KDR: variants seen among roughly 807,000 people sequenced by gnomAD.
KDR encodes vascular endothelial growth factor receptor 2.
Under a neutral mutation model 160.9 loss-of-function variants are expected in KDR, and 43 were observed. The ratio of observed to expected loss-of-function variants is 0.27; its 90% CI spans 0.21 to 0.34. The LOEUF (loss-of-function observed/expected upper bound fraction) is 0.34, where lower values mean the gene tolerates loss of function less well. Ranked by LOEUF, KDR falls within the 10% of genes least tolerant of loss-of-function variation. The pLI is 1.00. For missense variants in KDR, 1,469 were observed against 1,666.4 expected (o/e 0.88, Z 2.06); for synonymous variants, 617 against 600.1 (o/e 1.03, Z -0.41).
rs763673357 is a variant in KDR, at chr4:55,096,276, T to C, written c.2681A>G (p.His894Arg). The change falls in exon 19 of 30, where the codon CAC becomes CGC. Residue 894 changes from histidine to arginine, a missense_variant. By Grantham distance (29) the His-to-Arg change is conservative. Transcript: ENST00000263923. ...SELKILIHIG[H>R]HLNVVNLLGA... Reference sequence around the variant, plus strand: ...TAGAAGGTTGACCACATTGAGATGGTGACCAATATGAATGAGGATCTTGAG... The same window carrying C: ...TAGAAGGTTGACCACATTGAGATGGCGACCAATATGAATGAGGATCTTGAG... 2.5e-6 allele frequency: 4 copies of C among 1,613,604 alleles called. No homozygotes were observed. In the African/African-American group the frequency reaches 4.0e-5, roughly 16 times the overall value.
At position 55,125,393 on chromosome 4, in the gene KDR, C is replaced by T. The variant is rs972646515; in HGVS notation, c.-100G>A. The stretch of plus-strand genomic sequence containing the variant: ...AGGCGCGGAGGTGGAACTCGCGGCA[C>T]CCCGCAGCGCAGGACAGTTGAGCGC... On this transcript the variant is annotated 5_prime_UTR_variant, in exon 1 of 30. It adds an upstream start codon to the 5' untranslated region. Transcript: ENST00000263923. 7.7e-6 allele frequency: 11 copies of T among 1,420,368 alleles called. No homozygotes were observed. Among genetic ancestry groups the T allele is most frequent in the East Asian group, 4.9e-5 (2 of 40,456 alleles). The allele number at this position is 1,420,368 out of a possible 1,614,324, so 88.0% of individuals were successfully genotyped here. A position where few individuals can be genotyped will look rare whatever the true frequency, so the allele number is the denominator to read the frequency against.
intron 17 of KDR, 113 bp downstream of exon 17, chr4:55,098,024 A>G (rs1175374201): frequency 5.8e-6 from 8 of 1,373,878 alleles, no homozygotes; most frequent in Non-Finnish European, 7.2e-6. Flanking sequence ...AATGGAATTA[A>G]TATTTCTAAA....
Position 55,114,956 on chromosome 4 carries a change from G to A in KDR, c.576C>T (p.Ile192=), listed in dbSNP as rs1157203190. 2 of 1,613,298 alleles carry A rather than the reference G, an allele frequency of 1.2e-6. No individual in the cohort carries two copies. The highest frequency in any genetic ancestry group is 2.2e-5 in the South Asian group (2 of 91,070). The stretch of plus-strand genomic sequence containing the variant: ...CACAGAAGACCATGCCAGCATAGCT[G>A]ATCATGTAGCTGGGAATAGTAAAGC... ...KKGFTIPSYM[I]SYAGMVFCEA... The change falls in exon 5 of 30, where the codon ATC becomes ATT. Residue 192 remains isoleucine, a synonymous_variant. Coordinates refer to ENST00000263923, the MANE Select transcript of KDR (RefSeq NM_002253.4).
rs938748780 is a variant in KDR at position 55,094,794 on chromosome 4, G to A, written c.2971+8C>T. The A allele has an allele frequency of 2.5e-6, 4 of 1,613,106 alleles. No individual in the cohort carries two copies. The highest frequency in any genetic ancestry group is 3.4e-6 in the Non-Finnish European group (4 of 1,179,090). On this transcript the variant is annotated splice_region_variant and intron_variant, in intron 21 of 29. Coordinates refer to ENST00000263923, the MANE Select transcript of KDR (RefSeq NM_002253.4). ...ATGCCATAGCATGCAGGAAGCACTA[G>A]CCAGTACCTTCCTCTTCTTCTACAT... is the stretch of plus-strand genomic sequence containing the variant.
chr4:55,115,153 T>C (rs1395685884), intron 4 of KDR, 111 bp from the exon 5 acceptor site: 1 of 1,231,686 alleles, frequency 8.1e-7, no homozygotes, highest in Non-Finnish European at 1.2e-6. Flanking sequence ...ATTAGTTTTA[T>C]TCATTGCATT....
At chr4:55,095,042 G>T in intron 20 of KDR, 87 bp from the exon 21 acceptor site, 2 of 1,288,014 alleles carry the variant, frequency 1.6e-6, no homozygotes, top group Non-Finnish European at 2.2e-6. Context: ...AGTAAACCAT[G>T]GAGATAATTG....
At position 55,089,397 on chromosome 4, in the gene KDR, G is replaced by C; in HGVS notation, c.3381C>G (p.Ala1127=). 6.2e-7 allele frequency: 1 copy of C among 1,611,108 alleles called. No individual in the cohort carries two copies. The highest frequency in any genetic ancestry group is 8.5e-7 in the Non-Finnish European group (1 of 1,177,682). The change falls in exon 25 of 30, where the codon GCC becomes GCG. Residue 1127 remains alanine, a synonymous_variant. Transcript: ENST00000263923. ...ACATTTCTGGTGTAGTATAATCAGG[G>C]GCCCTCATTCTAGTTCCTTCTTTCA... ...RRLKEGTRMR[A]PDYTTPEMYQ...
rs375186728 is a variant in KDR at position 55,125,266 on chromosome 4, C to A, written c.28G>T (p.Ala10Ser). 4 of 1,612,844 alleles carry A rather than the reference C, an allele frequency of 2.5e-6. No homozygotes were observed. The highest frequency in any genetic ancestry group is 3.4e-6 in the Non-Finnish European group (4 of 1,179,720). Residue 10 changes from alanine to serine, a missense_variant, in exon 1 of 30, where the codon GCC becomes TCC. Transcript: ENST00000263923. ...CGGGTCTCCACGCAGAGCCACAGGG[C>A]GACGGCCAGCAGCACCTTGCTCTGC... Reference protein sequence around the residue: MQSKVLLAVALWLCVETRAA... With the variant: MQSKVLLAVSLWLCVETRAA...
At chr4:55,107,667 A>G in intron 10 of KDR, 70 bp downstream of exon 10, 1 of 1,596,450 alleles carries the variant, frequency 6.3e-7, no homozygotes, top group Middle Eastern at 1.8e-4. Context: ...TTTAGGATGG[A>G]GTCATATCAT....
rs571489943 is a variant in KDR at position 55,080,921 on chromosome 4, C to A, written c.3849-758G>T. On this transcript the variant is annotated intron_variant, in intron 29 of 29. Transcript: ENST00000263923. ...CCCCAACTTCTTCATGTTAAAACTGCAAAAGGGAATTTTAGTAACTCGTGT... is the reference window on the plus strand; with the variant it reads ...CCCCAACTTCTTCATGTTAAAACTGAAAAAGGGAATTTTAGTAACTCGTGT... Among the ~76,000 whole-genome samples, 3 of 152,258 alleles carry A rather than the reference C, an allele frequency of 2.0e-5. No homozygotes were observed. In the East Asian group the frequency reaches 5.8e-4, roughly 29 times the overall value.
At chr4:55,107,293 G>C (rs914796393) in intron 10 of KDR, among the ~76,000 whole-genome samples, 4 of 152,132 alleles carry the variant, frequency 2.6e-5, no homozygotes, top group African/African-American at 7.2e-5. Flanking sequence ...GTCTGGACTT[G>C]TGTCAGAGCA....
chr4:55,089,897 CT>C, intron 23 of KDR, 58 bp downstream of exon 23: 2 of 1,609,854 alleles, frequency 1.2e-6, no homozygotes, highest in Non-Finnish European at 1.7e-6. Flanking sequence ...CTGAAGCTCT[CT>C]ACGAGGAGTT....
At chr4:55,117,458 G>A (rs1325740534) in intron 3 of KDR, among the ~76,000 whole-genome samples, 1 of 152,216 alleles carries the variant, frequency 6.6e-6, no homozygotes, top group Non-Finnish European at 1.5e-5. Flanking sequence ...TGGAGGGAAG[G>A]AGGAGGGCAC....
Position 55,112,957 on chromosome 4 carries a change from T to C in KDR, c.976+347A>G, listed in dbSNP as rs116660933. 8.0e-3 allele frequency among the ~76,000 whole-genome samples: 1,217 copies of C among 152,358 alleles called. 20 individuals carry two copies. Among genetic ancestry groups the C allele is most frequent in the African/African-American group, 0.028 (1,160 of 41,586 alleles). ...TTTCCCCAGTTTGCAAAGCTCATGC[T>C]TATTCAAGTAGGCCTCTCAGCCTTG... On this transcript the variant is annotated intron_variant, in intron 7 of 29. Transcript: ENST00000263923.
rs114478737 is a variant in KDR, at chr4:55,105,074, C to A, written c.1646-90G>T. On this transcript the variant is annotated intron_variant, in intron 12 of 29. Coordinates refer to ENST00000263923, the MANE Select transcript of KDR (RefSeq NM_002253.4). ...CTGCTTTCAGACTACTACAAAGTAC[C>A]AAAAGAAATGAAGCTCTATCCGTTC... The A allele has an allele frequency of 2.1e-3, 2,297 of 1,069,792 alleles. 19 individuals are homozygous for A. In the African/African-American group the frequency reaches 0.024, roughly 11 times the overall value. The allele number at this position is 1,069,792 out of a possible 1,614,324, so 66.3% of individuals were successfully genotyped here.
In KDR at chr4:55,125,419, A is replaced by G. The variant is rs1049694148; in HGVS notation, c.-126T>C. 1 of 1,271,742 alleles carries G rather than the reference A, an allele frequency of 7.9e-7. No individual in the cohort carries two copies. Among genetic ancestry groups the G allele is most frequent in the Admixed American group, 2.0e-5 (1 of 50,564 alleles). The allele number at this position is 1,271,742 out of a possible 1,614,324, so 78.8% of individuals were successfully genotyped here. A position where few individuals can be genotyped will look rare whatever the true frequency, so the allele number is the denominator to read the frequency against. On this transcript the variant is annotated 5_prime_UTR_variant, in exon 1 of 30. Coordinates refer to ENST00000263923, the MANE Select transcript of KDR (RefSeq NM_002253.4). ...CCCGCAGCGCAGGACAGTTGAGCGC[A>G]CAGGGCTAGGGAGCCCGGGCGCCGA...
chr4:55,087,590 T>G lies in KDR; in HGVS notation c.3662+17A>C, dbSNP rs756385325. 4 of 1,613,362 alleles carry G rather than the reference T, an allele frequency of 2.5e-6. No individual in the cohort carries two copies. In the South Asian group the frequency reaches 4.4e-5, roughly 18 times the overall value. On this transcript the variant is annotated intron_variant, in intron 27 of 29. Transcript: ENST00000263923. ...GAAGTCACCCTCCCCCGGGGGATGT[T>G]AGGCCATATACAGTACCTGATTCCT...
chr4:55,082,511 G>C (rs902199058), intron 28 of KDR, 25 bp downstream of exon 28: 6 of 1,476,480 alleles, frequency 4.1e-6, no homozygotes, highest in Non-Finnish European at 5.7e-6. Context: ...TTATTTCTAA[G>C]ACTATTTTTA....
At chr4:55,095,189 T>C (rs1720120038) in intron 20 of KDR, among the ~76,000 whole-genome samples, 2 of 152,294 alleles carry the variant, frequency 1.3e-5, no homozygotes, top group Middle Eastern at 3.4e-3. Context: ...AAGTGACAAA[T>C]GCCACATTTT....
Sources: gnomAD v4.1 joint callset for allele counts (sites outside exome capture counted in the v4.1 genomes callset) on GRCh38, gnomAD v4.1.1 for gene constraint, MANE v1.5 for transcripts, NCBI Gene and HGNC (gene_info 2026-07-23, HGNC 2026-07-21) for gene names.